Variants in STK32B observed in about 807,000 individuals in gnomAD.
STK32B encodes the protein serine/threonine kinase 32B.
In STK32B, 43 loss-of-function variants were observed where a neutral mutation model predicts 52.6. That is an observed-to-expected ratio of 0.82 (90% CI 0.64 to 1.05). STK32B has a LOEUF of 1.05. STK32B is among the 50% of genes least tolerant of loss of function. The pLI, the probability that STK32B is intolerant of heterozygous loss-of-function variation, is 0.00. For missense variants in STK32B, 621 were observed against 534.6 expected (o/e 1.16, Z -1.59); for synonymous variants, 238 against 204.3 (o/e 1.17, Z -1.41).
intron 1 of STK32B, among the ~76,000 whole-genome samples, chr4:5,105,846 A>G (rs1714078898): frequency 6.6e-6 from 1 of 151,388 alleles, no homozygotes; most frequent in Non-Finnish European, 1.5e-5. Context: ...TACAGGTGTG[A>G]GCCACCACGC....
At chr4:5,429,440 A>G (rs576377316) in intron 6 of STK32B, among the ~76,000 whole-genome samples, 1 of 151,976 alleles carries the variant, frequency 6.6e-6, no homozygotes, top group African/African-American at 2.4e-5. Flanking sequence ...CTTAGTTTTT[A>G]TACCTCTTTA....
chr4:5,330,037 A>G (rs1156666410), intron 3 of STK32B, among the ~76,000 whole-genome samples: 1 of 152,154 alleles, frequency 6.6e-6, no homozygotes, highest in Admixed American at 6.5e-5. Flanking sequence ...CCCACAGTGT[A>G]TGGTCATCAG....
chr4:5,486,177 C>A (rs1424395192), intron 11 of STK32B, among the ~76,000 whole-genome samples: 1 of 152,172 alleles, frequency 6.6e-6, no homozygotes, highest in African/African-American at 2.4e-5. Context: ...TATGCCCATG[C>A]CCCCAGAGGT....
At chr4:5,216,548 T>A (rs981734424) in intron 3 of STK32B, among the ~76,000 whole-genome samples, 2 of 151,690 alleles carry the variant, frequency 1.3e-5, no homozygotes, top group African/African-American at 4.8e-5. Context: ...ATAGGAGGAG[T>A]TTGTACGACT....
intron 1 of STK32B, among the ~76,000 whole-genome samples, chr4:5,115,667 T>G (rs1325811293): frequency 6.6e-6 from 1 of 152,116 alleles, no homozygotes; most frequent in Non-Finnish European, 1.5e-5. Context: ...GGGAGGAGTT[T>G]CTCCTAGGGG....
intron 11 of STK32B, among the ~76,000 whole-genome samples, chr4:5,471,930 C>T (rs565425308): frequency 2.0e-5 from 3 of 152,318 alleles, no homozygotes; most frequent in South Asian, 2.1e-4. Context: ...CTACTGGCTG[C>T]GGGATGCTCC....
rs116316750 is a variant in STK32B, at chr4:5,453,052, G to T, written c.667-3755G>T. 0.031 allele frequency among the ~76,000 whole-genome samples: 4,671 copies of T among 152,062 alleles called. 250 individuals carry two copies. Among genetic ancestry groups the T allele is most frequent in the African/African-American group, 0.11 (4,402 of 41,446 alleles). On this transcript the variant is annotated intron_variant, in intron 7 of 11. Transcript: ENST00000282908. The surrounding 1 kb of genome is among the most constrained non-coding windows in gnomAD (Gnocchi z 4.0). The stretch of plus-strand genomic sequence containing the variant: ...CTCTACAACCACTCAAACAGATGAC[G>T]GCTGAACCTGGTGCCTAAAGCTGTG...
chr4:5,340,133 C>G (rs950781153), intron 4 of STK32B, among the ~76,000 whole-genome samples: 1 of 152,130 alleles, frequency 6.6e-6, no homozygotes, highest in African/African-American at 2.4e-5. Flanking sequence ...CTTTAAACGC[C>G]CATCTGGGCC....
intron 3 of STK32B, among the ~76,000 whole-genome samples, chr4:5,283,698 C>G (rs914255992): frequency 5.3e-5 from 8 of 152,244 alleles, no homozygotes; most frequent in African/African-American, 1.9e-4. Context: ...ATTCAACGTG[C>G]TGAAGGAAAC....
intron 2 of STK32B, among the ~76,000 whole-genome samples, chr4:5,164,313 C>G (rs988335306): frequency 6.6e-6 from 1 of 152,130 alleles, no homozygotes; most frequent in African/African-American, 2.4e-5. Flanking sequence ...ATTCATCACT[C>G]CAACCTCTGC....
At chr4:5,171,409 T>G (rs917583353) in intron 3 of STK32B, among the ~76,000 whole-genome samples, 4 of 152,104 alleles carry the variant, frequency 2.6e-5, no homozygotes, top group African/African-American at 9.6e-5. Context: ...TGGTATTGCC[T>G]AGGTTTTCTT....
At chr4:5,113,348 G>A (rs1055768758) in intron 1 of STK32B, among the ~76,000 whole-genome samples, 1 of 152,138 alleles carries the variant, frequency 6.6e-6, no homozygotes, top group Non-Finnish European at 1.5e-5. Context: ...TAGACTGTGA[G>A]AAATAAACTT....
At chr4:5,476,084 G>C (rs936697539) in intron 11 of STK32B, among the ~76,000 whole-genome samples, 3 of 151,736 alleles carry the variant, frequency 2.0e-5, no homozygotes, top group African/African-American at 7.3e-5. Context: ...TTTTTTAGTA[G>C]AGATGGGGTT....
In STK32B at chr4:5,471,450, G is replaced by A. The variant is rs545499400; in HGVS notation, c.1106+3380G>A. Among the ~76,000 whole-genome samples the A allele has an allele frequency of 9.2e-5, 14 of 152,208 alleles. No homozygotes were observed. In the South Asian group the frequency reaches 2.5e-3, roughly 27 times the overall value. ...CAGCATTGGCGGCCATCCAGCGCTG[G>A]GAGGAAGGACTGGAGCGGATTCTCC... On this transcript the variant is annotated intron_variant, in intron 11 of 11. Coordinates refer to ENST00000282908, the MANE Select transcript of STK32B (RefSeq NM_018401.3).
intron 3 of STK32B, among the ~76,000 whole-genome samples, chr4:5,198,558 T>G (rs746249239): frequency 1.3e-5 from 2 of 151,772 alleles, no homozygotes; most frequent in Non-Finnish European, 2.9e-5. Context: ...TCTGGGGGAG[T>G]TGGTCTGTCT....
At chr4:5,303,761 A>G (rs987229270) in intron 3 of STK32B, among the ~76,000 whole-genome samples, 20 of 152,232 alleles carry the variant, frequency 1.3e-4, no homozygotes, top group African/African-American at 3.1e-4. Context: ...ACCTAAGCCA[A>G]TGTCTAGAAG....
chr4:5,313,891 A>G (rs775714917), intron 3 of STK32B, among the ~76,000 whole-genome samples: 23 of 152,318 alleles, frequency 1.5e-4, no homozygotes, highest in Middle Eastern at 3.4e-3. Flanking sequence ...CATTTACACT[A>G]TTTATTTGCT....
intron 3 of STK32B, among the ~76,000 whole-genome samples, chr4:5,231,055 G>A (rs1724228287): frequency 6.6e-6 from 1 of 152,174 alleles, no homozygotes; most frequent in South Asian, 2.1e-4. Context: ...AGCTCCCCGT[G>A]GGGTTGTGCA....
chr4:5,105,861 C>A (rs1030808417), intron 1 of STK32B, among the ~76,000 whole-genome samples: 4 of 152,246 alleles, frequency 2.6e-5, no homozygotes, highest in South Asian at 2.1e-4. Flanking sequence ...CCACGCCCGG[C>A]TGAACAGATG....
Sources: allele counts gnomAD v4.1 joint callset (sites outside exome capture counted in the v4.1 genomes callset), GRCh38; gene constraint gnomAD v4.1.1; non-coding constraint Gnocchi (gnomAD v3.1); transcripts MANE v1.5; gene names NCBI Gene and HGNC (gene_info 2026-07-23, HGNC 2026-07-21).